The following CCSER1 variants were observed in gnomAD, a reference collection of about 807,000 sequenced individuals.
CCSER1 encodes coiled-coil serine rich protein 1, also known as serine-rich coiled-coil domain-containing protein 1.
A neutral mutation model predicts 82.0 loss-of-function variants in CCSER1; 41 were observed. The observed-to-expected ratio is 0.50, with a 90% confidence interval of 0.39 to 0.65. CCSER1 has a LOEUF of 0.65. Among genes scored for constraint, CCSER1 ranks in the 30% least tolerant of loss-of-function variants. The pLI is 0.00. For synonymous variants in CCSER1, 414 were observed against 383.9 expected (o/e 1.08, Z -0.92); for missense variants, 1,119 against 1,064.2 (o/e 1.05, Z -0.72).
chr4:90,706,237 G>T (rs148255383), intron 6 of CCSER1, among the ~76,000 whole-genome samples: 1 of 152,266 alleles, frequency 6.6e-6, no homozygotes, highest in African/African-American at 2.4e-5. Context: ...GACTAAGACT[G>T]AAAACCACCT....
At chr4:91,207,969 C>T (rs1211974914) in intron 10 of CCSER1, among the ~76,000 whole-genome samples, 4 of 151,918 alleles carry the variant, frequency 2.6e-5, no homozygotes, top group Non-Finnish European at 1.5e-5. Flanking sequence ...TTGCATTTTT[C>T]TAATGATCAG....
Position 90,868,570 on chromosome 4 carries a change from T to C in CCSER1, c.2094+52725T>C, listed in dbSNP as rs796193797. ...ATGGTTGATTAGTACTCATTGTGTG[T>C]GTGTACCACCTTTTCTTTATCTGTT... On this transcript the variant is annotated intron_variant, in intron 8 of 10. Coordinates refer to ENST00000509176, the MANE Select transcript of CCSER1 (RefSeq NM_001145065.2). Among the ~76,000 whole-genome samples, 4 of 152,206 alleles carry C rather than the reference T, an allele frequency of 2.6e-5. No individual in the cohort carries two copies. In the South Asian group the frequency reaches 6.2e-4, roughly 24 times the overall value.
intron 8 of CCSER1, among the ~76,000 whole-genome samples, chr4:90,921,275 G>C (rs891794159): frequency 2.0e-5 from 3 of 149,572 alleles, no homozygotes; most frequent in African/African-American, 7.5e-5. Flanking sequence ...TATGTTTACG[G>C]CCTTCTATTA....
chr4:90,489,193 T>A (rs536553178), intron 5 of CCSER1, among the ~76,000 whole-genome samples: 65 of 152,280 alleles, frequency 4.3e-4, no homozygotes, highest in Non-Finnish European at 7.4e-4. Context: ...TTTCAGTATA[T>A]CCTACAGGGT....
intron 10 of CCSER1, among the ~76,000 whole-genome samples, chr4:91,136,969 T>G (rs1382140932): frequency 6.6e-6 from 1 of 151,962 alleles, no homozygotes; most frequent in African/African-American, 2.4e-5. Flanking sequence ...AATAGGGAAT[T>G]CAAAAATTCA....
At chr4:90,717,490 C>T (rs1402259064) in intron 6 of CCSER1, among the ~76,000 whole-genome samples, 1 of 152,048 alleles carries the variant, frequency 6.6e-6, no homozygotes, top group Non-Finnish European at 1.5e-5. Context: ...AATTTCCTAT[C>T]GCTCTTGTTT....
At position 90,780,511 on chromosome 4, in the gene CCSER1, A is replaced by G. The variant is rs570045712; in HGVS notation, c.2011-35251A>G. ...GAAGATTGGGGTTCAGGAGGCCTAG[A>G]TGATCCACCATGACTTATTCAAAAG... is the stretch of plus-strand genomic sequence containing the variant. On this transcript the variant is annotated intron_variant, in intron 7 of 10. Coordinates refer to ENST00000509176, the MANE Select transcript of CCSER1 (RefSeq NM_001145065.2). The G allele has an allele frequency of 2.5e-6, 4 of 1,608,904 alleles. No individual in the cohort carries two copies. In the South Asian group the frequency reaches 3.3e-5, roughly 13 times the overall value.
chr4:90,931,069 T>C (rs1729746499), intron 9 of CCSER1, among the ~76,000 whole-genome samples: 1 of 149,556 alleles, frequency 6.7e-6, no homozygotes, highest in Admixed American at 6.7e-5. Context: ...TCTTGGAATA[T>C]ATATTATATC....
intron 10 of CCSER1, among the ~76,000 whole-genome samples, chr4:91,467,792 C>G (rs1016320884): frequency 3.9e-5 from 6 of 152,172 alleles, no homozygotes; most frequent in Non-Finnish European, 7.3e-5. Flanking sequence ...CAAATCAAAA[C>G]CACAATGAGA....
intron 10 of CCSER1, among the ~76,000 whole-genome samples, chr4:91,587,930 AATATT>A (rs1353190423): frequency 2.0e-5 from 3 of 151,578 alleles, no homozygotes; most frequent in African/African-American, 4.8e-5. Context: ...ATCTTGAATT[AATATT>A]ATATCAAAAA....
chr4:90,627,211 A>G (rs1723455961), intron 5 of CCSER1, among the ~76,000 whole-genome samples: 1 of 152,172 alleles, frequency 6.6e-6, no homozygotes, highest in Non-Finnish European at 1.5e-5. Flanking sequence ...TTATTCAAAA[A>G]TGTGTTTACT....
Position 90,450,676 on chromosome 4 carries a change from C to A in CCSER1, c.1604-17558C>A, listed in dbSNP as rs188695648. Among the ~76,000 whole-genome samples, 15 of 152,264 alleles carry A rather than the reference C, an allele frequency of 9.9e-5. No homozygotes were observed. In the East Asian group the frequency reaches 2.7e-3, roughly 27 times the overall value. On this transcript the variant is annotated intron_variant, in intron 4 of 10. Coordinates refer to ENST00000509176, the MANE Select transcript of CCSER1 (RefSeq NM_001145065.2). ...TGAATCCAAGAATCAATTTCAGTGA[C>A]CTTTACTGCTGTAGGAGTAGAAAGA... is the stretch of plus-strand genomic sequence containing the variant.
At chr4:90,642,771 C>T (rs543332205) in intron 6 of CCSER1, among the ~76,000 whole-genome samples, 2 of 152,236 alleles carry the variant, frequency 1.3e-5, no homozygotes, top group South Asian at 2.1e-4. Flanking sequence ...GGGAGGATGG[C>T]TTGAGCCCAG....
At chr4:91,292,567 TATAG>T (rs1040764173) in intron 10 of CCSER1, among the ~76,000 whole-genome samples, 7 of 152,078 alleles carry the variant, frequency 4.6e-5, no homozygotes, top group African/African-American at 1.7e-4. Flanking sequence ...TGGAAATAAA[TATAG>T]ATAATTTTTG....
At chr4:90,717,797 A>G (rs562110675) in intron 6 of CCSER1, among the ~76,000 whole-genome samples, 9 of 148,438 alleles carry the variant, frequency 6.1e-5, no homozygotes, top group Non-Finnish European at 1.0e-4. Flanking sequence ...ATATATATAT[A>G]TGTGTATATA....
At chr4:90,982,947 T>C (rs942352834) in intron 9 of CCSER1, among the ~76,000 whole-genome samples, 1 of 151,768 alleles carries the variant, frequency 6.6e-6, no homozygotes, top group South Asian at 2.1e-4. Flanking sequence ...AAGAACACGA[T>C]TGATAGTTAT....
At chr4:90,834,807 G>T (rs2149837462) in intron 8 of CCSER1, among the ~76,000 whole-genome samples, 1 of 152,240 alleles carries the variant, frequency 6.6e-6, no homozygotes. Flanking sequence ...GGCAGAATAA[G>T]ATGTGTAAGC....
chr4:91,191,245 C>A (rs147584287), intron 10 of CCSER1, among the ~76,000 whole-genome samples: 1 of 152,140 alleles, frequency 6.6e-6, no homozygotes, highest in Non-Finnish European at 1.5e-5. Flanking sequence ...ATACATAGGC[C>A]CAGTGTCATT....
intron 10 of CCSER1, among the ~76,000 whole-genome samples, chr4:91,379,446 T>C (rs1578313078): frequency 6.6e-6 from 1 of 152,196 alleles, no homozygotes; most frequent in African/African-American, 2.4e-5. Flanking sequence ...TATTGGTCTA[T>C]TCAGGGATTC....
Sources: allele counts gnomAD v4.1 joint callset (sites outside exome capture counted in the v4.1 genomes callset), GRCh38; gene constraint gnomAD v4.1.1; transcripts MANE v1.5; gene names NCBI Gene and HGNC (gene_info 2026-07-23, HGNC 2026-07-21).